Variants in PALS1 observed in about 807,000 individuals in gnomAD.
PALS1 encodes the protein protein PALS1.
In PALS1, 31 loss-of-function variants were observed where a neutral mutation model predicts 78.9. That is an observed-to-expected ratio of 0.39 (90% confidence interval 0.30 to 0.53). PALS1 has a LOEUF of 0.53. Among genes scored for constraint, PALS1 ranks in the 20% least tolerant of loss-of-function variants. The pLI is 0.67. For missense variants in PALS1, 704 were observed against 826.5 expected (o/e 0.85, Z 1.82); for synonymous variants, 276 against 270.9 (o/e 1.02, Z -0.18).
At chr14:67,266,538 C>T (rs559326558) in intron 1 of PALS1, among the ~76,000 whole-genome samples, 3 of 152,160 alleles carry the variant, frequency 2.0e-5, no homozygotes, top group African/African-American at 7.2e-5. Context: ...GTTGGCCAGG[C>T]TGGTCTCAAA....
intron 10 of PALS1, 123 bp downstream of exon 10, chr14:67,317,026 C>A: frequency 1.5e-6 from 1 of 680,556 alleles, no homozygotes; most frequent in South Asian, 2.0e-5. Context: ...AGAGGCAAAA[C>A]TGATTATCTC....
rs537116072 is a variant in PALS1, at chr14:67,249,877, T to C, written c.-237+8344T>C. Among the ~76,000 whole-genome samples the C allele has an allele frequency of 5.9e-5, 9 of 152,360 alleles. No individual in the cohort carries two copies. The South Asian group carries it at 1.4e-3, about 25-fold the overall frequency. Reference sequence around the variant, plus strand: ...TTAAGACTGCATTCGTTTAACGTGATTGCTTCCTATGAATGTAGTGAGCTA... The same window carrying C: ...TTAAGACTGCATTCGTTTAACGTGACTGCTTCCTATGAATGTAGTGAGCTA... On this transcript the variant is annotated intron_variant, in intron 1 of 14. Coordinates refer to ENST00000261681, the MANE Select transcript of PALS1 (RefSeq NM_022474.4).
rs1366749217 is a variant in PALS1 at position 67,317,558 on chromosome 14, A to G, written c.1369+79A>G. The G allele has an allele frequency of 4.5e-6, 4 of 898,498 alleles. No individual in the cohort carries two copies. The Admixed American group carries it at 1.0e-4, about 23-fold the overall frequency. The allele number at this position is 898,498 out of a possible 1,614,324, so 55.7% of individuals were successfully genotyped here. ...TAGTCCTGTTTTGCACCTTAATGTT[A>G]AATATGTGCTTGAGAAAATCATTTA... On this transcript the variant is annotated intron_variant, in intron 11 of 14. Transcript: ENST00000261681.
At chr14:67,280,187 A>C (rs147549559) in intron 3 of PALS1, among the ~76,000 whole-genome samples, 1 of 152,354 alleles carries the variant, frequency 6.6e-6, no homozygotes, top group East Asian at 1.9e-4. Flanking sequence ...TTAGAATGTT[A>C]CTAGGCATTG....
rs775153054 is a variant in PALS1 at position 67,279,168 on chromosome 14, A to G, written c.-3A>G. On this transcript the variant is annotated 5_prime_UTR_variant, in exon 3 of 15. Transcript: ENST00000261681. ...AAAGTGGTACAGGTTTTCATAGATA[A>G]CCATGACAACATCCCATATGAATGG... 22 of 1,571,734 alleles carry G rather than the reference A, an allele frequency of 1.4e-5. No individual in the cohort carries two copies. The highest frequency in any genetic ancestry group is 5.9e-5 in the Admixed American group (3 of 50,512).
intron 1 of PALS1, among the ~76,000 whole-genome samples, chr14:67,250,470 G>A (rs1286030170): frequency 1.3e-5 from 2 of 152,168 alleles, no homozygotes; most frequent in African/African-American, 4.8e-5. Context: ...ATTGAAAACT[G>A]TATAAACTCC....
At chr14:67,269,978 C>G (rs1289127918) in intron 2 of PALS1, 195 bp downstream of exon 2, 1 of 152,184 alleles carries the variant, frequency 6.6e-6, no homozygotes, top group Non-Finnish European at 1.5e-5. Flanking sequence ...TTCTAGAGTT[C>G]TGGACACTAG....
intron 14 of PALS1, among the ~76,000 whole-genome samples, chr14:67,325,825 T>TC: frequency 6.6e-6 from 1 of 151,930 alleles, no homozygotes; most frequent in East Asian, 1.9e-4. Flanking sequence ...TTTTTTTTTT[T>TC]TGAGACAGAG....
chr14:67,313,773 T>C (rs562884254), intron 9 of PALS1, among the ~76,000 whole-genome samples: 5 of 152,280 alleles, frequency 3.3e-5, no homozygotes, highest in South Asian at 2.1e-4. Context: ...TTAACACTTA[T>C]GTATATTTTT....
At chr14:67,330,370 G>A (rs535500268) in intron 14 of PALS1, among the ~76,000 whole-genome samples, 82 of 150,994 alleles carry the variant, frequency 5.4e-4, no homozygotes, top group Non-Finnish European at 9.3e-4. Context: ...AATTTCCCTC[G>A]AAACAGTTCT....
chr14:67,331,958 C>T (rs1191391050), intron 14 of PALS1, among the ~76,000 whole-genome samples: 2 of 152,180 alleles, frequency 1.3e-5, no homozygotes, highest in African/African-American at 4.8e-5. Flanking sequence ...GAAACTGCCT[C>T]AGGACAAGCC....
At chr14:67,268,336 C>T (rs2084360861) in intron 1 of PALS1, among the ~76,000 whole-genome samples, 1 of 152,150 alleles carries the variant, frequency 6.6e-6, no homozygotes, top group African/African-American at 2.4e-5. Flanking sequence ...TCATCTGTTA[C>T]CCGAAGGGGG....
At chr14:67,294,548 C>T (rs1031624362) in intron 4 of PALS1, 1 of 151,850 alleles carries the variant, frequency 6.6e-6, no homozygotes, top group African/African-American at 2.4e-5. Flanking sequence ...CTTAAAATAT[C>T]AGTTAAACAT....
At position 67,332,809 on chromosome 14, in the gene PALS1, G is replaced by A. The variant is rs751306389; in HGVS notation, c.1881G>A (p.Lys627=). ...KPEELREIIE[K]TREMEQNNGH... Reference sequence around the variant, plus strand: ...AAGAGTTGAGAGAAATCATTGAGAAGACAAGAGAGATGGAGCAGAACAATG... The same window carrying A: ...AAGAGTTGAGAGAAATCATTGAGAAAACAAGAGAGATGGAGCAGAACAATG... The change falls in exon 15 of 15, where the codon AAG becomes AAA. Residue 627 remains lysine (K), a synonymous_variant. Transcript: ENST00000261681. 3 of 1,613,186 alleles carry A rather than the reference G, an allele frequency of 1.9e-6. No individual in the cohort carries two copies. Among genetic ancestry groups the A allele is most frequent in the Admixed American group, 3.3e-5 (2 of 59,954 alleles).
intron 3 of PALS1, among the ~76,000 whole-genome samples, chr14:67,287,186 T>C (rs1021616243): frequency 9.2e-5 from 14 of 152,044 alleles, no homozygotes; most frequent in Non-Finnish European, 2.1e-4. Flanking sequence ...ACCACCGAAC[T>C]CTAGCCAGGG....
chr14:67,319,966 AT>A (rs1374948491), intron 11 of PALS1, among the ~76,000 whole-genome samples: 1 of 152,224 alleles, frequency 6.6e-6, no homozygotes, highest in Admixed American at 6.5e-5. Context: ...TTGACTGCAA[AT>A]TAGCTGTTTA....
chr14:67,250,374 T>C (rs997366947), intron 1 of PALS1, among the ~76,000 whole-genome samples: 9 of 152,206 alleles, frequency 5.9e-5, no homozygotes, highest in African/African-American at 2.2e-4. Flanking sequence ...CTCAAATATT[T>C]ACTGACCAAA....
At position 67,279,682 on chromosome 14, in the gene PALS1, C is replaced by T. The variant is rs191974542; in HGVS notation, c.367+145C>T. The T allele has an allele frequency of 8.8e-5, 63 of 718,090 alleles. 1 individual carries two copies. The highest frequency in any genetic ancestry group is 4.6e-4 in the South Asian group (14 of 30,586). 44.5% of individuals were successfully genotyped at this position (718,090 alleles called of 1,614,324 possible). A position where few individuals can be genotyped will look rare whatever the true frequency, so the allele number is the denominator to read the frequency against. On this transcript the variant is annotated intron_variant, in intron 3 of 14. Transcript: ENST00000261681. ...CCAAGATCCTTTGTTTTCGTGGAAACGCCGTATAACTATTGTTTACTGTTA... is the reference window on the plus strand; with the variant it reads ...CCAAGATCCTTTGTTTTCGTGGAAATGCCGTATAACTATTGTTTACTGTTA...
chr14:67,252,482 G>A (rs912655782), intron 1 of PALS1, among the ~76,000 whole-genome samples: 3 of 152,140 alleles, frequency 2.0e-5, no homozygotes, highest in Non-Finnish European at 4.4e-5. Context: ...CCTGAGGAGT[G>A]GTCATGGGAA....
Sources: gnomAD v4.1 joint callset for allele counts (sites outside exome capture counted in the v4.1 genomes callset) on GRCh38, gnomAD v4.1.1 for gene constraint, MANE v1.5 for transcripts, NCBI Gene and HGNC (gene_info 2026-07-23, HGNC 2026-07-21) for gene names.